The following ITGB3BP variants were observed in gnomAD, a reference collection of about 807,000 sequenced individuals.
ITGB3BP encodes the protein centromere protein R.
ITGB3BP carries 27 observed loss-of-function variants against 29.1 expected under a neutral mutation model. The ratio of observed to expected loss-of-function variants is 0.93; its 90% CI spans 0.68 to 1.28. ITGB3BP has a LOEUF of 1.28. Ranked by LOEUF, ITGB3BP falls within the 50% of genes most tolerant of loss-of-function variation. The probability of loss-of-function intolerance (pLI) is 0.00; values close to 1 mark genes in which losing one functional copy is unlikely to be tolerated. For missense variants in ITGB3BP, 192 were observed against 200.2 expected (o/e 0.96, Z 0.25); for synonymous variants, 61 against 61.4 (o/e 0.99, Z 0.03).
At chr1:63,441,873 G>T (rs1644734838) in intron 8 of ITGB3BP, among the ~76,000 whole-genome samples, 1 of 152,168 alleles carries the variant, frequency 6.6e-6, no homozygotes, top group African/African-American at 2.4e-5. Flanking sequence ...GAAAGCCCTT[G>T]AAGGAAGCAG....
intron 7 of ITGB3BP, chr1:63,447,802 C>T (rs569927375): frequency 3.6e-4 from 125 of 349,816 alleles, no homozygotes; most frequent in African/African-American, 2.6e-3. Context: ...CTAGAAATAC[C>T]ATTTGACCCA....
intron 2 of ITGB3BP, among the ~76,000 whole-genome samples, 185 bp downstream of exon 2, chr1:63,508,343 C>A (rs1447326861): frequency 6.6e-6 from 1 of 151,870 alleles, no homozygotes; most frequent in Non-Finnish European, 1.5e-5. Flanking sequence ...CAGGAACTTC[C>A]ACATATTAGA....
chr1:63,514,020 G>A (rs1012900194), intron 1 of ITGB3BP, among the ~76,000 whole-genome samples: 8 of 152,052 alleles, frequency 5.3e-5, no homozygotes, highest in South Asian at 2.1e-4. Flanking sequence ...ATATGAGGAG[G>A]GTACCTCAGG....
chr1:63,449,025 G>A (rs1211754024), intron 7 of ITGB3BP, among the ~76,000 whole-genome samples: 1 of 152,130 alleles, frequency 6.6e-6, no homozygotes, highest in African/African-American at 2.4e-5. Context: ...GTAGTAAGCA[G>A]AACTGTTTAA....
chr1:63,459,837 C>G (rs1471578470), intron 4 of ITGB3BP, among the ~76,000 whole-genome samples: 3 of 151,968 alleles, frequency 2.0e-5, no homozygotes, highest in Admixed American at 6.6e-5. Context: ...ATCAGAATTC[C>G]TTGGTAAATG....
At chr1:63,489,187 A>G (rs1199306350) in intron 3 of ITGB3BP, among the ~76,000 whole-genome samples, 4 of 152,004 alleles carry the variant, frequency 2.6e-5, no homozygotes, top group African/African-American at 7.2e-5. Flanking sequence ...AAAGACATTC[A>G]AAACTTTAAG....
intron 2 of ITGB3BP, among the ~76,000 whole-genome samples, chr1:63,507,530 A>G (rs1452736683): frequency 2.6e-5 from 4 of 152,324 alleles, no homozygotes; most frequent in Non-Finnish European, 4.4e-5. Context: ...CTCATCTACC[A>G]AAAAACCATT....
chr1:63,510,491 C>A (rs1175205190), intron 1 of ITGB3BP, among the ~76,000 whole-genome samples: 1 of 152,196 alleles, frequency 6.6e-6, no homozygotes, highest in Non-Finnish European at 1.5e-5. Context: ...AGGCTGTCAT[C>A]TCCCACTTTA....
At chr1:63,521,574 A>T (rs1258521392) in intron 1 of ITGB3BP, among the ~76,000 whole-genome samples, 5 of 152,130 alleles carry the variant, frequency 3.3e-5, no homozygotes, top group Non-Finnish European at 5.9e-5. Flanking sequence ...GCTAACTCCT[A>T]TAGTCCCAGC....
intron 2 of ITGB3BP, among the ~76,000 whole-genome samples, chr1:63,506,319 A>T (rs1229970059): frequency 6.6e-6 from 1 of 152,170 alleles, no homozygotes; most frequent in African/African-American, 2.4e-5. Context: ...CTGTTTTATC[A>T]GAGACTAGGA....
chr1:63,485,394 A>G (rs551974516), intron 3 of ITGB3BP, among the ~76,000 whole-genome samples: 6 of 151,532 alleles, frequency 4.0e-5, no homozygotes, highest in African/African-American at 4.8e-5. Context: ...CTCACCTTCC[A>G]TGATAGTTTT....
intron 4 of ITGB3BP, among the ~76,000 whole-genome samples, chr1:63,477,538 G>T (rs1444297710): frequency 6.6e-6 from 1 of 152,064 alleles, no homozygotes; most frequent in Non-Finnish European, 1.5e-5. Flanking sequence ...GGGTAACATG[G>T]CGAAACTCCG....
intron 8 of ITGB3BP, among the ~76,000 whole-genome samples, chr1:63,445,936 C>G (rs182838866): frequency 1.3e-3 from 193 of 152,192 alleles, no homozygotes; most frequent in Middle Eastern, 0.01. Context: ...CAGAGTTTCA[C>G]TCAGTCGCCC....
chr1:63,506,383 A>G (rs557816429), intron 2 of ITGB3BP, among the ~76,000 whole-genome samples: 11 of 152,204 alleles, frequency 7.2e-5, no homozygotes, highest in Non-Finnish European at 1.3e-4. Flanking sequence ...AGAGAAAATA[A>G]GCAAGATGCA....
chr1:63,508,503 G>A, intron 2 of ITGB3BP, 25 bp downstream of exon 2: 1 of 1,223,088 alleles, frequency 8.2e-7, no homozygotes, highest in South Asian at 1.5e-5. Flanking sequence ...CTTATTCAAT[G>A]ACAAACTTTT....
At chr1:63,523,330 A>T (rs554907552), upstream of ITGB3BP, 4 of 685,138 alleles carry the variant, frequency 5.8e-6, no homozygotes, top group East Asian at 7.9e-5. Flanking sequence ...GCGAGCGGGG[A>T]GTTCTAGGCC....
At chr1:63,465,954 C>A (rs1378010964) in intron 4 of ITGB3BP, among the ~76,000 whole-genome samples, 2 of 151,850 alleles carry the variant, frequency 1.3e-5, no homozygotes, top group Admixed American at 6.6e-5. Context: ...TTCTCTGTAG[C>A]CTATAAGAGT....
At chr1:63,509,579 G>A (rs976271951) in intron 1 of ITGB3BP, among the ~76,000 whole-genome samples, 1 of 152,108 alleles carries the variant, frequency 6.6e-6, no homozygotes, top group Non-Finnish European at 1.5e-5. Context: ...AAAAATAGAA[G>A]AGATGGTCAA....
chr1:63,522,939 C>G (rs1557663097), intron 1 of ITGB3BP, 190 bp downstream of exon 1: 1 of 780,008 alleles, frequency 1.3e-6, no homozygotes. Context: ...CGAAGGAGGA[C>G]TATCGTATGA....
Sources: gnomAD v4.1 joint callset for allele counts (sites outside exome capture counted in the v4.1 genomes callset) on GRCh38, gnomAD v4.1.1 for gene constraint, MANE v1.5 for transcripts, NCBI Gene and HGNC (gene_info 2026-07-23, HGNC 2026-07-21) for gene names.